THRB: variants seen among roughly 807,000 people sequenced by gnomAD.
The protein encoded by THRB is nuclear receptor subfamily 1 group A member 2.
In THRB, 12 loss-of-function variants were observed where a neutral mutation model predicts 47.8. The ratio of observed to expected loss-of-function variants is 0.25; its 90% CI spans 0.16 to 0.41. The LOEUF (loss-of-function observed/expected upper bound fraction) is 0.41, where lower values mean the gene tolerates loss of function less well. THRB is among the 10% of genes least tolerant of loss of function. The probability of loss-of-function intolerance (pLI) is 1.00; values close to 1 mark genes in which losing one functional copy is unlikely to be tolerated. For synonymous variants in THRB, 218 were observed against 212.2 expected, an observed-to-expected ratio of 1.03 and a Z score of -0.24; for missense variants, 348 against 589.2, an observed-to-expected ratio of 0.59 and a Z score of 4.24.
At chr3:24,374,736 G>A (rs1056154957) in intron 1 of THRB, among the ~76,000 whole-genome samples, 20 of 151,968 alleles carry the variant, frequency 1.3e-4, no homozygotes, top group African/African-American at 4.8e-4. Flanking sequence ...GGCTTATCAA[G>A]GCCTCCCCAT....
At chr3:24,211,053 G>A (rs2045971867) in intron 4 of THRB, among the ~76,000 whole-genome samples, 1 of 152,058 alleles carries the variant, frequency 6.6e-6, no homozygotes. Flanking sequence ...ACAAAAATTA[G>A]CCAGGTGTGG....
intron 3 of THRB, among the ~76,000 whole-genome samples, chr3:24,265,042 G>A (rs949188116): frequency 6.6e-6 from 1 of 152,138 alleles, no homozygotes. Flanking sequence ...AAAGTTAATG[G>A]GAACATTAAC....
intron 1 of THRB, among the ~76,000 whole-genome samples, chr3:24,432,228 C>A (rs1439749722): frequency 6.6e-6 from 1 of 151,906 alleles, no homozygotes; most frequent in East Asian, 1.9e-4. Context: ...AGAGAGAGAC[C>A]AAGGAAGGCA....
At chr3:24,330,677 T>A (rs1380427369) in intron 2 of THRB, among the ~76,000 whole-genome samples, 1 of 152,098 alleles carries the variant, frequency 6.6e-6, no homozygotes, top group Non-Finnish European at 1.5e-5. Flanking sequence ...AGAACAGAAA[T>A]CACAACACTT....
intron 4 of THRB, among the ~76,000 whole-genome samples, chr3:24,212,716 G>A (rs572267668): frequency 2.0e-5 from 3 of 151,858 alleles, no homozygotes; most frequent in Non-Finnish European, 2.9e-5. Context: ...GAACACAACC[G>A]TCCATCAGCT....
At position 24,169,397 on chromosome 3, in the gene THRB, G is replaced by A. The variant is rs115157712; in HGVS notation, c.284-16907C>T. Reference sequence around the variant, plus strand: ...CCATCATTTTGGTCCATGAGAGTGAGGACTATACTCTAGGGATTACGGAAG... The same window carrying A: ...CCATCATTTTGGTCCATGAGAGTGAAGACTATACTCTAGGGATTACGGAAG... On this transcript the variant is annotated intron_variant, in intron 5 of 10. Coordinates refer to ENST00000646209, the MANE Select transcript of THRB (RefSeq NM_001354712.2). Among the ~76,000 whole-genome samples the A allele has an allele frequency of 4.5e-3, 677 of 152,126 alleles. 9 individuals carry two copies. The highest frequency in any genetic ancestry group is 0.016 in the African/African-American group (650 of 41,502).
intron 1 of THRB, among the ~76,000 whole-genome samples, chr3:24,386,054 C>T (rs768759519): frequency 1.3e-5 from 2 of 152,030 alleles, no homozygotes; most frequent in Non-Finnish European, 2.9e-5. Flanking sequence ...CTTCAATAAC[C>T]TCAACTCGAA....
chr3:24,477,977 T>G (rs1695747175), intron 1 of THRB, among the ~76,000 whole-genome samples: 1 of 147,300 alleles, frequency 6.8e-6, no homozygotes, highest in Non-Finnish European at 1.5e-5. Flanking sequence ...AAACAAAGAG[T>G]GTGGAATATG....
At chr3:24,421,604 G>A (rs920722399) in intron 1 of THRB, among the ~76,000 whole-genome samples, 1 of 151,740 alleles carries the variant, frequency 6.6e-6, no homozygotes, top group Non-Finnish European at 1.5e-5. Context: ...TCCACAGGAC[G>A]TGCCACCCAG....
chr3:24,188,511 T>C lies in THRB; in HGVS notation c.283+1563A>G, dbSNP rs969771562. On this transcript the variant is annotated intron_variant, in intron 5 of 10. Transcript: ENST00000646209. ...GCATAGATTTATTTTAAATGATTGA[T>C]AGAGACATAGATGGACTCTATGAAT... Among the ~76,000 whole-genome samples, 6 of 152,270 alleles carry C rather than the reference T, an allele frequency of 3.9e-5. No homozygotes were observed. The East Asian group carries it at 9.7e-4, about 25-fold the overall frequency.
chr3:24,329,203 C>T (rs751582894), intron 2 of THRB, among the ~76,000 whole-genome samples: 2 of 152,184 alleles, frequency 1.3e-5, no homozygotes, highest in African/African-American at 2.4e-5. Flanking sequence ...CCTTGGCCTC[C>T]CAAAGTTCTG....
intron 1 of THRB, among the ~76,000 whole-genome samples, chr3:24,380,683 T>C (rs2065638075): frequency 6.6e-6 from 1 of 152,174 alleles, no homozygotes; most frequent in East Asian, 1.9e-4. Flanking sequence ...GAAAGAACTG[T>C]ACAGTACACA....
Position 24,127,707 on chromosome 3 carries a change from G to C in THRB, c.936C>G (p.Ile312Met). 1 of 1,614,198 alleles carries C rather than the reference G, an allele frequency of 6.2e-7. No homozygotes were observed. The highest frequency in any genetic ancestry group is 8.5e-7 in the Non-Finnish European group (1 of 1,180,020). ...IILLKGCCME[I>M]MSLRAAVRYD... ...AGCGCACAGCAGCGCGAAGGGACAT[G>C]ATCTCCATGCAGCAGCCTTTGAGGA... Residue 312 changes from isoleucine (I) to methionine (M), a missense_variant, in exon 10 of 11, where the codon ATC becomes ATG. Coordinates refer to ENST00000646209, the MANE Select transcript of THRB (RefSeq NM_001354712.2).
intron 8 of THRB, among the ~76,000 whole-genome samples, chr3:24,135,423 T>G (rs1028518227): frequency 1.3e-5 from 2 of 152,156 alleles, no homozygotes; most frequent in Non-Finnish European, 2.9e-5. Flanking sequence ...CTTTATTTTT[T>G]TGTGTGTGTT....
intron 4 of THRB, among the ~76,000 whole-genome samples, chr3:24,213,759 C>G (rs1273267693): frequency 6.6e-6 from 1 of 152,162 alleles, no homozygotes; most frequent in Non-Finnish European, 1.5e-5. Context: ...CTGAGCCAAA[C>G]CTGTGACTCT....
chr3:24,328,609 C>G (rs1340773948), intron 2 of THRB, among the ~76,000 whole-genome samples: 1 of 152,124 alleles, frequency 6.6e-6, no homozygotes, highest in Non-Finnish European at 1.5e-5. Flanking sequence ...TCTATCAATC[C>G]CCATGTTTCG....
chr3:24,149,438 C>G (rs1240675112), intron 6 of THRB, among the ~76,000 whole-genome samples: 1 of 152,174 alleles, frequency 6.6e-6, no homozygotes, highest in Admixed American at 6.5e-5. Flanking sequence ...ACCAGTAAGA[C>G]CACGCTAAGC....
rs996231814 is a variant in THRB at position 24,200,420 on chromosome 3, T to A, written c.23-10086A>T. On this transcript the variant is annotated intron_variant, in intron 4 of 10. Coordinates refer to ENST00000646209, the MANE Select transcript of THRB (RefSeq NM_001354712.2). ...AAAATCAAAACTTAAGATTTATAAT[T>A]TCTCAAATAAAAGACAAAATATGAC... 3.3e-5 allele frequency among the ~76,000 whole-genome samples: 5 copies of A among 149,692 alleles called. No individual in the cohort carries two copies. The East Asian group carries it at 1.1e-3, about 32-fold the overall frequency.
At chr3:24,253,931 A>G (rs1476307795) in intron 3 of THRB, among the ~76,000 whole-genome samples, 5 of 151,350 alleles carry the variant, frequency 3.3e-5, no homozygotes, top group African/African-American at 1.2e-4. Context: ...ACCGAGAGAG[A>G]ACCAGTTGTC....
Sources: allele counts gnomAD v4.1 joint callset (sites outside exome capture counted in the v4.1 genomes callset), GRCh38; gene constraint gnomAD v4.1.1; transcripts MANE v1.5; gene names NCBI Gene and HGNC (gene_info 2026-07-23, HGNC 2026-07-21).